C5orf22: variants seen among roughly 807,000 people sequenced by gnomAD.
C5orf22 encodes UPF0489 protein C5orf22.
A neutral mutation model predicts 48.7 loss-of-function variants in C5orf22; 36 were observed. That is an observed-to-expected ratio of 0.74 (90% CI 0.57 to 0.98). C5orf22 has a LOEUF of 0.98. Ranked by LOEUF, C5orf22 falls within the 50% of genes least tolerant of loss-of-function variation. The pLI is 0.00. For synonymous variants in C5orf22, 141 were observed against 180.8 expected (o/e 0.78, Z 1.76); for missense variants, 486 against 521.9 (o/e 0.93, Z 0.67).
At chr5:31,551,760 C>T (rs191293104) in intron 8 of C5orf22, among the ~76,000 whole-genome samples, 2 of 152,280 alleles carry the variant, frequency 1.3e-5, no homozygotes, top group Admixed American at 6.5e-5. Flanking sequence ...TGGGATCTTA[C>T]AAAAAGAATG....
intron 3 of C5orf22, among the ~76,000 whole-genome samples, chr5:31,537,978 C>T (rs1320415619): frequency 6.6e-6 from 1 of 152,216 alleles, no homozygotes; most frequent in African/African-American, 2.4e-5. Context: ...GAGAACAAAG[C>T]TCTGCATGCT....
rs370297240 is a variant in C5orf22 at position 31,538,241 on chromosome 5, G to A, written c.378-19G>A. The A allele has an allele frequency of 8.5e-5, 131 of 1,541,544 alleles. 1 individual carries two copies. In the South Asian group the frequency reaches 1.2e-3, roughly 14 times the overall value. On this transcript the variant is annotated intron_variant, in intron 3 of 8. Transcript: ENST00000325366. ...GATTTGCCCATTCTTCTTAAAAATC[G>A]TTTTTTCCTCTGATTCAGGGTTACA...
chr5:31,541,458 T>C (rs1742465151), intron 6 of C5orf22, 56 bp downstream of exon 6: 6 of 1,575,700 alleles, frequency 3.8e-6, no homozygotes, highest in South Asian at 1.1e-5. Context: ...GTCCTAGATA[T>C]GTTCCTAAAT....
intron 3 of C5orf22, among the ~76,000 whole-genome samples, chr5:31,537,509 G>T (rs573342545): frequency 7.2e-5 from 11 of 152,280 alleles, no homozygotes; most frequent in South Asian, 4.1e-4. Flanking sequence ...TGTATGCTGG[G>T]AGAGGTCAAG....
chr5:31,553,080 G>T lies in C5orf22; in HGVS notation c.*178G>T. ...AGTTGTGAATGATGGTAAATTTTTT[G>T]GCATCAAGTCTCATAACCCCAACTG... On this transcript the variant is annotated 3_prime_UTR_variant, in exon 9 of 9. Coordinates refer to ENST00000325366, the MANE Select transcript of C5orf22 (RefSeq NM_018356.3). 1 of 547,266 alleles carries T rather than the reference G, an allele frequency of 1.8e-6. No individual in the cohort carries two copies. The allele number at this position is 547,266 out of a possible 1,614,324, so 33.9% of individuals were successfully genotyped here. A position where few individuals can be genotyped will look rare whatever the true frequency, so the allele number is the denominator to read the frequency against.
At position 31,532,409 on chromosome 5, in the gene C5orf22, G is replaced by C; in HGVS notation, c.17G>C (p.Gly6Ala). The C allele has an allele frequency of 6.2e-7, 1 of 1,614,030 alleles. No individual in the cohort carries two copies. Among genetic ancestry groups the C allele is most frequent in the Non-Finnish European group, 8.5e-7 (1 of 1,179,968 alleles). Residue 6 changes from glycine to alanine, a missense_variant, in exon 1 of 9, where the codon GGA (glycine) becomes GCA (alanine). Gly to Ala is a moderately conservative substitution (Grantham distance 60). Around this residue, in one of 3 missense-constraint regions of C5orf22, gnomAD observed 74 missense variants for 61.2 expected, o/e 1.21. Transcript: ENST00000325366. ...CGCAAAAACATGAGTGACTCCGCGG[G>C]AGGGCGCGCTGGTCTCCGGCGTTAC... MSDSA[G>A]GRAGLRRYPK...
chr5:31,538,459 A>C lies in C5orf22; in HGVS notation c.577A>C (p.Thr193Pro), dbSNP rs1466705376. 6.2e-7 allele frequency: 1 copy of C among 1,614,194 alleles called. No individual in the cohort carries two copies. The highest frequency in any genetic ancestry group is 8.5e-7 in the Non-Finnish European group (1 of 1,180,026). ...GGAAGATTCGGAAAACACTGCCTCT[A>C]CTAACTGTGACTCTTCTTCAGAAGG... ...ALEDSENTAS[T>P]NCDSSSEGLE... Residue 193 changes from threonine to proline, a missense_variant, in exon 4 of 9, where the codon ACT (threonine) becomes CCT (proline). Coordinates refer to ENST00000325366, the MANE Select transcript of C5orf22 (RefSeq NM_018356.3).
chr5:31,542,462 C>T (rs1459567076), intron 6 of C5orf22, among the ~76,000 whole-genome samples: 18 of 45,528 alleles, frequency 4.0e-4, no homozygotes, highest in Admixed American at 8.1e-4. Context: ...TCTGAGACTC[C>T]GTCTCAAAAA....
At chr5:31,551,668 C>T (rs936916248) in intron 8 of C5orf22, among the ~76,000 whole-genome samples, 2 of 152,122 alleles carry the variant, frequency 1.3e-5, no homozygotes, top group African/African-American at 2.4e-5. Flanking sequence ...TTCTACACTT[C>T]GGGCTTTGAA....
intron 6 of C5orf22, among the ~76,000 whole-genome samples, chr5:31,544,584 C>CAA (rs1195756867): frequency 3.3e-5 from 4 of 119,738 alleles, no homozygotes; most frequent in African/African-American, 1.2e-4. Context: ...ACTCTTGTCT[C>CAA]AAAAAAAAAA....
intron 6 of C5orf22, 21 bp from the exon 7 acceptor site, chr5:31,545,625 A>C (rs772258374): frequency 6.3e-7 from 1 of 1,590,190 alleles, no homozygotes; most frequent in African/African-American, 1.3e-5. Flanking sequence ...TGTTTAATTG[A>C]GTGGGATGGC....
At chr5:31,552,627 C>A in intron 8 of C5orf22, 146 bp from the exon 9 acceptor site, 2 of 627,716 alleles carry the variant, frequency 3.2e-6, no homozygotes, top group Non-Finnish European at 5.4e-6. Context: ...ATGGGGTAAA[C>A]CTTCACTAGC....
intron 7 of C5orf22, among the ~76,000 whole-genome samples, chr5:31,550,943 G>A (rs952832979): frequency 6.6e-6 from 1 of 152,128 alleles, no homozygotes; most frequent in African/African-American, 2.4e-5. Context: ...CAATGAAGTA[G>A]TTAAAGAATT....
intron 3 of C5orf22, among the ~76,000 whole-genome samples, chr5:31,536,333 A>G (rs1451190962): frequency 6.6e-6 from 1 of 152,202 alleles, no homozygotes; most frequent in Non-Finnish European, 1.5e-5. Context: ...ATCCTGGCTA[A>G]CATGGTGAAA....
chr5:31,543,562 C>A (rs1388180667), intron 6 of C5orf22, among the ~76,000 whole-genome samples: 1 of 151,644 alleles, frequency 6.6e-6, no homozygotes, highest in Non-Finnish European at 1.5e-5. Context: ...AGAGGGAGAC[C>A]CTGTCTCAAA....
chr5:31,532,479 C>T lies in C5orf22; in HGVS notation c.81+6C>T, dbSNP rs1311846271. 9.9e-6 allele frequency: 16 copies of T among 1,611,230 alleles called. No individual in the cohort carries two copies. The highest frequency in any genetic ancestry group is 1.3e-5 in the Non-Finnish European group (15 of 1,178,006). ...TGGTGGAGGATCATCAGGAGGTGAG[C>T]GGACGGCAACAGGGCTCTGGGGCAG... is the stretch of plus-strand genomic sequence containing the variant. On this transcript the variant is annotated splice_donor_region_variant and intron_variant, in intron 1 of 8. Coordinates refer to ENST00000325366, the MANE Select transcript of C5orf22 (RefSeq NM_018356.3).
At chr5:31,534,624 T>C (rs2150070731) in intron 2 of C5orf22, 1 of 537,372 alleles carries the variant, frequency 1.9e-6, no homozygotes, top group South Asian at 2.3e-5. Context: ...GCTGGCTATA[T>C]GGTCTCTGTT....
At chr5:31,546,109 A>C (rs1016809452) in intron 7 of C5orf22, among the ~76,000 whole-genome samples, 3 of 152,218 alleles carry the variant, frequency 2.0e-5, no homozygotes, top group African/African-American at 7.2e-5. Flanking sequence ...TTCCGTTTGT[A>C]AAAACCACAA....
intron 2 of C5orf22, among the ~76,000 whole-genome samples, chr5:31,535,497 T>G (rs991824622): frequency 1.3e-5 from 2 of 152,256 alleles, no homozygotes; most frequent in Non-Finnish European, 2.9e-5. Flanking sequence ...CCTTAATTAA[T>G]GTTGGAACAT....
Sources: gnomAD v4.1 joint callset for allele counts (sites outside exome capture counted in the v4.1 genomes callset) on GRCh38, gnomAD v4.1.1 for gene constraint, gnomAD v4.1.1 regional missense constraint, MANE v1.5 for transcripts, NCBI Gene and HGNC (gene_info 2026-07-23, HGNC 2026-07-21) for gene names.